KLRG2: variants seen among roughly 807,000 people sequenced by gnomAD.
KLRG2 encodes the protein killer cell lectin-like receptor subfamily G member 2.
A neutral mutation model predicts 35.4 loss-of-function variants in KLRG2; 39 were observed. That is an observed-to-expected ratio of 1.10 (90% CI 0.85 to 1.44). The LOEUF (loss-of-function observed/expected upper bound fraction) is 1.44, where lower values mean the gene tolerates loss of function less well. Among genes scored for constraint, KLRG2 ranks in the 40% most tolerant of loss-of-function variants. The probability of loss-of-function intolerance (pLI) is 0.00; values close to 1 mark genes in which losing one functional copy is unlikely to be tolerated. For synonymous variants in KLRG2, 283 were observed against 265.8 expected (o/e 1.06, Z -0.63); for missense variants, 632 against 570.9 (o/e 1.11, Z -1.09).
Position 139,483,064 on chromosome 7 carries a change from C to G in KLRG2, c.579G>C (p.Thr193=). The G allele has an allele frequency of 7.2e-7, 1 of 1,388,348 alleles. No homozygotes were observed. The highest frequency in any genetic ancestry group is 9.2e-7 in the Non-Finnish European group (1 of 1,081,978). 86.0% of individuals were successfully genotyped at this position (1,388,348 alleles called of 1,614,324 possible). A position where few individuals can be genotyped will look rare whatever the true frequency, so the allele number is the denominator to read the frequency against. The change falls in exon 1 of 5, where the codon ACG becomes ACC. Residue 193 remains threonine, a synonymous_variant. Transcript: ENST00000340940. The part of the protein sequence containing the change: ...GRRSPLAAAR[T]ESGCDAEGRA... ...GGCCCTCTGCGTCGCAGCCGCTCTC[C>G]GTCCGGGCTGCAGCCAGCGGCGAGC...
chr7:139,429,930 A>C, the KLRG2 span, among the ~76,000 whole-genome samples: 1 of 151,494 alleles, frequency 6.6e-6, no homozygotes, highest in Non-Finnish European at 1.5e-5. Flanking sequence ...GGCGCCCCTC[A>C]CCTCCCAGAC....
intron 3 of KLRG2, among the ~76,000 whole-genome samples, chr7:139,471,802 T>C (rs1002335087): frequency 6.6e-6 from 1 of 152,210 alleles, no homozygotes; most frequent in African/African-American, 2.4e-5. Context: ...GGCCAGTTCT[T>C]CAGGGCTCTG....
the KLRG2 span, among the ~76,000 whole-genome samples, chr7:139,436,952 T>C: frequency 2.0e-5 from 3 of 152,174 alleles, no homozygotes; most frequent in Non-Finnish European, 4.4e-5. Flanking sequence ...CCTTGGATCC[T>C]CACAGCCTCA....
At chr7:139,427,179 G>A in the KLRG2 span, among the ~76,000 whole-genome samples, 1 of 152,166 alleles carries the variant, frequency 6.6e-6, no homozygotes, top group African/African-American at 2.4e-5. Flanking sequence ...CTGGGCAGAG[G>A]CCGAGTAGGG....
intron 3 of KLRG2, among the ~76,000 whole-genome samples, chr7:139,462,388 T>A (rs1474695751): frequency 7.0e-6 from 1 of 143,168 alleles, no homozygotes; most frequent in African/African-American, 2.6e-5. Context: ...GCACCCCCCA[T>A]CCCTTCTCTC....
intron 3 of KLRG2, among the ~76,000 whole-genome samples, chr7:139,457,213 G>A (rs1023758866): frequency 2.0e-5 from 3 of 152,160 alleles, no homozygotes; most frequent in Non-Finnish European, 4.4e-5. Flanking sequence ...GGACACACTG[G>A]GGCCCAGGGT....
the KLRG2 span, among the ~76,000 whole-genome samples, chr7:139,429,223 T>A: frequency 2.0e-5 from 3 of 152,110 alleles, no homozygotes; most frequent in African/African-American, 4.8e-5. Context: ...CGAGAATTGC[T>A]TTAATCCTGG....
chr7:139,453,578 G>C lies in KLRG2; in HGVS notation c.*9C>G. On this transcript the variant is annotated 3_prime_UTR_variant, in exon 5 of 5. Coordinates refer to ENST00000340940, the MANE Select transcript of KLRG2 (RefSeq NM_198508.4). ...TGCCTGGCAGGCTGAGGACCAGGCA[G>C]AGCCCAGATCACTGGGTCCCCTTGG... is the stretch of plus-strand genomic sequence containing the variant. The C allele has an allele frequency of 6.3e-7, 1 of 1,588,124 alleles. No homozygotes were observed. Among genetic ancestry groups the C allele is most frequent in the African/African-American group, 1.3e-5 (1 of 74,452 alleles).
intron 3 of KLRG2, among the ~76,000 whole-genome samples, chr7:139,477,534 C>A (rs1796871869): frequency 1.3e-5 from 2 of 151,718 alleles, no homozygotes; most frequent in East Asian, 1.9e-4. Flanking sequence ...TAGTTCAAAC[C>A]AAAGAGAGAG....
At chr7:139,476,831 C>T (rs931843009) in intron 3 of KLRG2, among the ~76,000 whole-genome samples, 1 of 152,160 alleles carries the variant, frequency 6.6e-6, no homozygotes, top group Non-Finnish European at 1.5e-5. Flanking sequence ...CATTTACTCT[C>T]GTAGCACTGT....
the KLRG2 span, among the ~76,000 whole-genome samples, chr7:139,440,586 CA>C: frequency 6.6e-6 from 1 of 151,780 alleles, no homozygotes; most frequent in Non-Finnish European, 1.5e-5. Context: ...CAACATTAGT[CA>C]AATTGGATTA....
At chr7:139,454,828 TAATAATAATAA>T (rs1299306923) in intron 3 of KLRG2, among the ~76,000 whole-genome samples, 3 of 60,566 alleles carry the variant, frequency 5.0e-5, no homozygotes, top group East Asian at 9.9e-4. Flanking sequence ...AAAATAATAA[TAATAATAATAA>T]TAATAATAAT....
the KLRG2 span, among the ~76,000 whole-genome samples, chr7:139,440,411 CTTTTTTTTTT>C: frequency 2.5e-5 from 1 of 40,512 alleles, no homozygotes; most frequent in African/African-American, 1.7e-4. Context: ...CCACACCTGG[CTTTTTTTTTT>C]TTTTTTTTTT....
At chr7:139,467,734 G>A (rs896264348) in intron 3 of KLRG2, among the ~76,000 whole-genome samples, 1 of 151,840 alleles carries the variant, frequency 6.6e-6, no homozygotes. Context: ...GGAAAGCCAG[G>A]TATTGTCCAA....
intron 3 of KLRG2, among the ~76,000 whole-genome samples, chr7:139,466,729 A>G (rs191824333): frequency 6.8e-6 from 1 of 146,476 alleles, no homozygotes; most frequent in South Asian, 2.2e-4. Context: ...CGACTTACTC[A>G]CTGCTAAAAA....
the KLRG2 span, among the ~76,000 whole-genome samples, chr7:139,430,854 C>A: frequency 6.6e-6 from 1 of 151,610 alleles, no homozygotes; most frequent in African/African-American, 2.4e-5. Flanking sequence ...ACTAAAAATA[C>A]AAAAATTAGC....
intron 1 of KLRG2, among the ~76,000 whole-genome samples, chr7:139,482,387 AGTG>A (rs1796975892): frequency 6.6e-6 from 1 of 151,464 alleles, no homozygotes; most frequent in Non-Finnish European, 1.5e-5. Flanking sequence ...TGAGAAGGGG[AGTG>A]GCTTTACTCT....
Position 139,483,053 on chromosome 7 carries a change from C to A in KLRG2, c.590G>T (p.Cys197Phe). 1 of 1,377,920 alleles carries A rather than the reference C, an allele frequency of 7.3e-7. No individual in the cohort carries two copies. Among genetic ancestry groups the A allele is most frequent in the South Asian group, 1.7e-5 (1 of 58,928 alleles). 85.4% of individuals were successfully genotyped at this position (1,377,920 alleles called of 1,614,324 possible). Residue 197 changes from cysteine (C) to phenylalanine (F), a missense_variant, in exon 1 of 5, where the codon TGC becomes TTC. By Grantham distance (205) the Cys-to-Phe change is radical. Coordinates refer to ENST00000340940, the MANE Select transcript of KLRG2 (RefSeq NM_198508.4). ...GGGGCTGGCCCGGCCCTCTGCGTCG[C>A]AGCCGCTCTCCGTCCGGGCTGCAGC... ...PLAAARTESG[C>F]DAEGRASPAE...
chr7:139,482,330 C>A (rs1043166508), intron 1 of KLRG2, among the ~76,000 whole-genome samples: 13 of 152,118 alleles, frequency 8.5e-5, no homozygotes, highest in Non-Finnish European at 1.9e-4. Context: ...AGGTGCTGCG[C>A]ATGCTAAGAG....
Sources: allele counts gnomAD v4.1 joint callset (sites outside exome capture counted in the v4.1 genomes callset), GRCh38; gene constraint gnomAD v4.1.1; transcripts MANE v1.5; gene names NCBI Gene and HGNC (gene_info 2026-07-23, HGNC 2026-07-21).